Variants in SLC24A4 observed in about 807,000 individuals in gnomAD.
The protein encoded by SLC24A4 is sodium/potassium/calcium exchanger 4.
SLC24A4 carries 53 observed loss-of-function variants against 79.0 expected under a neutral mutation model. The ratio of observed to expected loss-of-function variants is 0.67; its 90% CI spans 0.54 to 0.84. The LOEUF (loss-of-function observed/expected upper bound fraction) is 0.84, where lower values mean the gene tolerates loss of function less well. SLC24A4 is among the 40% of genes least tolerant of loss of function. The pLI is 0.00. For missense variants in SLC24A4, 731 were observed against 822.0 expected (o/e 0.89, Z 1.35); for synonymous variants, 323 against 323.8 (o/e 1.00, Z 0.03).
chr14:92,454,034 C>G lies in SLC24A4; in HGVS notation c.1015C>G (p.Arg339Gly), dbSNP rs587777535. 1 of 1,613,044 alleles carries G rather than the reference C, an allele frequency of 6.2e-7. No homozygotes were observed. The highest frequency in any genetic ancestry group is 8.5e-7 in the Non-Finnish European group (1 of 1,179,526). The part of the protein sequence containing the change: ...MITNKFGPRT[R>G]LRMASRIIIN... ...CACCAATAAGTTTGGACCCAGGACC[C>G]GACTACGGATGGCCAGCAGGATCAT... The change falls in exon 11 of 17, where the codon CGA becomes GGA. Residue 339 changes from arginine (R) to glycine (G), a missense_variant. Coordinates refer to ENST00000532405, the MANE Select transcript of SLC24A4 (RefSeq NM_153646.4).
At chr14:92,383,922 T>C (rs1427076755) in intron 2 of SLC24A4, among the ~76,000 whole-genome samples, 1 of 152,158 alleles carries the variant, frequency 6.6e-6, no homozygotes, top group African/African-American at 2.4e-5. Context: ...TGGACCACAC[T>C]CGCCGTGGCG....
At chr14:92,425,042 A>G (rs967446197) in intron 2 of SLC24A4, among the ~76,000 whole-genome samples, 1 of 152,220 alleles carries the variant, frequency 6.6e-6, no homozygotes, top group African/African-American at 2.4e-5. Context: ...CACAGTCAAC[A>G]TGAGATCCGG....
chr14:92,441,972 C>T lies in SLC24A4; in HGVS notation c.394-117C>T, dbSNP rs973301519. 34 of 731,766 alleles carry T rather than the reference C, an allele frequency of 4.6e-5. No homozygotes were observed. Among genetic ancestry groups the T allele is most frequent in the Admixed American group, 2.0e-4 (9 of 45,368 alleles). 45.3% of individuals were successfully genotyped at this position (731,766 alleles called of 1,614,324 possible). On this transcript the variant is annotated intron_variant, in intron 4 of 16. Transcript: ENST00000532405. The surrounding 1 kb of genome is among the most constrained non-coding windows in gnomAD (Gnocchi z 4.6). ...CCAGGGGTGAGAGGCTGCAGGCAGA[C>T]GAGTTTGCCTCTGGCTGCAGCACTG...
chr14:92,492,124 A>T, intron 15 of SLC24A4, 51 bp from the exon 16 acceptor site: 1 of 1,552,490 alleles, frequency 6.4e-7, no homozygotes, highest in Non-Finnish European at 8.9e-7. Context: ...TTCTGGATGG[A>T]TTGGCTCTGA....
At chr14:92,391,648 G>C (rs926854521) in intron 2 of SLC24A4, among the ~76,000 whole-genome samples, 1 of 152,186 alleles carries the variant, frequency 6.6e-6, no homozygotes, top group African/African-American at 2.4e-5. Flanking sequence ...TCCCTGCCTG[G>C]GCTGCTCTTA....
At chr14:92,437,793 T>C (rs773037613) in intron 3 of SLC24A4, among the ~76,000 whole-genome samples, 1 of 152,228 alleles carries the variant, frequency 6.6e-6, no homozygotes, top group Non-Finnish European at 1.5e-5. Flanking sequence ...ATTGTTATTA[T>C]TATTTTAAAT....
chr14:92,364,319 A>G (rs1453722121), intron 2 of SLC24A4, among the ~76,000 whole-genome samples: 1 of 152,140 alleles, frequency 6.6e-6, no homozygotes, highest in Non-Finnish European at 1.5e-5. Context: ...GGTGACCCCC[A>G]TCCTCTCTGC....
intron 11 of SLC24A4, among the ~76,000 whole-genome samples, chr14:92,454,562 A>C (rs1376189538): frequency 6.6e-6 from 1 of 152,226 alleles, no homozygotes; most frequent in African/African-American, 2.4e-5. Flanking sequence ...TATAAACAGT[A>C]TAGCAAAGAT....
intron 12 of SLC24A4, among the ~76,000 whole-genome samples, chr14:92,460,733 T>C (rs1163110716): frequency 6.6e-6 from 1 of 152,234 alleles, no homozygotes; most frequent in East Asian, 1.9e-4. Context: ...GACCACACAA[T>C]GTTCTTTATA....
intron 2 of SLC24A4, among the ~76,000 whole-genome samples, chr14:92,363,838 A>AT (rs1347194506): frequency 6.6e-6 from 1 of 151,070 alleles, no homozygotes. Context: ...AAAAAAAAAA[A>AT]GAAAAGAAAA....
chr14:92,388,762 A>G (rs1325033248), intron 2 of SLC24A4, among the ~76,000 whole-genome samples: 1 of 152,084 alleles, frequency 6.6e-6, no homozygotes, highest in African/African-American at 2.4e-5. Context: ...TGCTTTATCA[A>G]CCCTGAGGGA....
chr14:92,442,900 A>C (rs1236314093), intron 6 of SLC24A4, 84 bp downstream of exon 6: 47 of 1,157,422 alleles, frequency 4.1e-5, no homozygotes, highest in Non-Finnish European at 5.7e-5. Context: ...TTGGGGTAGC[A>C]GTGGGGACGC....
chr14:92,422,016 C>A (rs1891309768), intron 2 of SLC24A4, among the ~76,000 whole-genome samples: 1 of 152,290 alleles, frequency 6.6e-6, no homozygotes, highest in East Asian at 1.9e-4. Flanking sequence ...GCAAACAAAC[C>A]ACGAGTGATT....
intron 2 of SLC24A4, among the ~76,000 whole-genome samples, chr14:92,425,062 A>T (rs1026308947): frequency 6.6e-6 from 1 of 152,174 alleles, no homozygotes; most frequent in African/African-American, 2.4e-5. Context: ...GAGGGAACAA[A>T]CATCAAACTA....
intron 3 of SLC24A4, among the ~76,000 whole-genome samples, chr14:92,436,576 G>A (rs1446489315): frequency 6.6e-6 from 1 of 152,174 alleles, no homozygotes; most frequent in African/African-American, 2.4e-5. Context: ...ACCCTTTACA[G>A]AAAAAATTTG....
At chr14:92,468,150 A>G (rs949780866) in intron 12 of SLC24A4, among the ~76,000 whole-genome samples, 23 of 152,232 alleles carry the variant, frequency 1.5e-4, no homozygotes, top group African/African-American at 5.5e-4. Context: ...AATGATATTA[A>G]ACATTCCCAT....
intron 2 of SLC24A4, among the ~76,000 whole-genome samples, chr14:92,419,130 A>G (rs1488397272): frequency 6.6e-6 from 1 of 152,206 alleles, no homozygotes; most frequent in Non-Finnish European, 1.5e-5. Context: ...ATACCTTCAC[A>G]GCAACCCCTG....
chr14:92,443,287 G>A, intron 6 of SLC24A4, 113 bp from the exon 7 acceptor site: 4 of 923,298 alleles, frequency 4.3e-6, no homozygotes, highest in South Asian at 4.1e-5. Flanking sequence ...CCTGGAGTTA[G>A]GAGGTGGAGC....
At position 92,415,166 on chromosome 14, in the gene SLC24A4, T is replaced by A. The variant is rs1017554345; in HGVS notation, c.242-18746T>A. 5.3e-5 allele frequency among the ~76,000 whole-genome samples: 8 copies of A among 152,206 alleles called. 1 individual carries two copies. The highest frequency in any genetic ancestry group is 1.2e-4 in the Non-Finnish European group (8 of 68,022). On this transcript the variant is annotated intron_variant, in intron 2 of 16. Transcript: ENST00000532405. ...AATTCTCCTGTGGAAGGGCTGGACT[T>A]GTTCTTTTCCATTGATCTTCTCATG...
Sources: gnomAD v4.1 joint callset for allele counts (sites outside exome capture counted in the v4.1 genomes callset) on GRCh38, gnomAD v4.1.1 for gene constraint, Gnocchi (gnomAD v3.1) non-coding constraint, MANE v1.5 for transcripts, NCBI Gene and HGNC (gene_info 2026-07-23, HGNC 2026-07-21) for gene names.